The following CPLANE1 variants were observed in gnomAD, a reference collection of about 807,000 sequenced individuals.
CPLANE1 encodes ciliogenesis and planar polarity effector 1.
Under a neutral mutation model 362.5 loss-of-function variants are expected in CPLANE1, and 263 were observed. The observed-to-expected ratio is 0.73, with a 90% CI of 0.66 to 0.80. CPLANE1 has a LOEUF of 0.80. Ranked by LOEUF, CPLANE1 falls within the 30% of genes least tolerant of loss-of-function variation. The pLI, the probability that CPLANE1 is intolerant of heterozygous loss-of-function variation, is 0.00. For synonymous variants in CPLANE1, 1,212 were observed against 1,302.6 expected (o/e 0.93, Z 1.50); for missense variants, 3,461 against 3,793.4 (o/e 0.91, Z 2.30).
chr5:37,192,680 C>T (rs570882585), intron 21 of CPLANE1, among the ~76,000 whole-genome samples: 195 of 151,012 alleles, frequency 1.3e-3, no homozygotes, highest in Middle Eastern at 3.5e-3. Flanking sequence ...CTGGCTAACA[C>T]GGTGAAACCC....
In CPLANE1 at chr5:37,170,189, T is replaced by C. The variant is rs144243923; in HGVS notation, c.6314A>G (p.Asp2105Gly). Reference sequence around the variant, plus strand: ...AAGATTTTTGTTGCTGTCTTCAACATCACCACATCCTCTTAGGTTTGATTC... The same window carrying C: ...AAGATTTTTGTTGCTGTCTTCAACACCACCACATCCTCTTAGGTTTGATTC... ...SQESNLRGCG[D>G]VEDSNKNLKE... Residue 2105 changes from aspartate to glycine, a missense_variant, in exon 33 of 53, where the codon GAT (aspartate) becomes GGT (glycine). Transcript: ENST00000651892. 6.8e-6 allele frequency: 11 copies of C among 1,614,066 alleles called. No homozygotes were observed. In the African/African-American group the frequency reaches 1.5e-4, roughly 22 times the overall value.
In CPLANE1 at chr5:37,157,585, G is replaced by A. The variant is rs1254486191; in HGVS notation, c.8011+85C>T. 13 of 1,212,554 alleles carry A rather than the reference G, an allele frequency of 1.1e-5. No individual in the cohort carries two copies. In the African/African-American group the frequency reaches 1.5e-4, roughly 14 times the overall value. 75.1% of individuals were successfully genotyped at this position (1,212,554 alleles called of 1,614,324 possible). A position where few individuals can be genotyped will look rare whatever the true frequency, so the allele number is the denominator to read the frequency against. ...AAAATACAGTGGGTTTGTAGGAGGA[G>A]AGGTAAGAGATGTGAGTAGGGATAA... On this transcript the variant is annotated intron_variant, in intron 40 of 52. Transcript: ENST00000651892.
chr5:37,226,466 A>T lies in CPLANE1; in HGVS notation c.2129T>A (p.Ile710Asn). ...TTTACTTCCATCAGCTGATGCTGAA[A>T]TAACTTCAGGTTGAAGAATGTATAC... ...NGVYILQPEV[I>N]SASADGSKIT... Residue 710 changes from isoleucine (I) to asparagine (N), a missense_variant, in exon 12 of 53, where the codon ATT (isoleucine) becomes AAT (asparagine). Transcript: ENST00000651892. The T allele has an allele frequency of 6.4e-7, 1 of 1,551,024 alleles. No individual in the cohort carries two copies. Among genetic ancestry groups the T allele is most frequent in the Non-Finnish European group, 8.7e-7 (1 of 1,146,734 alleles).
the CPLANE1 span, among the ~76,000 whole-genome samples, chr5:37,079,206 T>A: frequency 6.6e-6 from 1 of 152,212 alleles, no homozygotes; most frequent in African/African-American, 2.4e-5. Flanking sequence ...AAGTCTTTAA[T>A]CCATCTGGAA....
At chr5:37,141,822 C>T (rs1769821128) in intron 44 of CPLANE1, 1 of 952,672 alleles carries the variant, frequency 1.0e-6, no homozygotes. Flanking sequence ...AAAAGTGGCA[C>T]TAAATCCTTC....
intron 24 of CPLANE1, 125 bp from the exon 25 acceptor site, chr5:37,185,204 A>G: frequency 1.3e-6 from 1 of 749,966 alleles, no homozygotes; most frequent in Non-Finnish European, 2.1e-6. Context: ...TTATTTCCAC[A>G]TTCTTACTGG....
chr5:37,243,031 T>C lies in CPLANE1; in HGVS notation c.659A>G (p.Asn220Ser). Residue 220 changes from asparagine (N) to serine (S), a missense_variant, in exon 6 of 53, where the codon AAT (asparagine) becomes AGT (serine). Physicochemically the swap from Asn to Ser is conservative, Grantham distance 46. Around this residue, in one of 2 missense-constraint regions of CPLANE1, gnomAD observed 3,380 missense variants for 3,666.1 expected, o/e 0.92. Transcript: ENST00000651892. The part of the protein sequence containing the change: ...LTFLAIRWHE[N>S]VFTSVRSLPY... ...ACCTCACCTTACAGATGTAAATACA[T>C]TCTCATGCCACCGAATTGCTAGAAA... The C allele has an allele frequency of 6.5e-7, 1 of 1,542,730 alleles. No homozygotes were observed.
intron 43 of CPLANE1, among the ~76,000 whole-genome samples, chr5:37,142,977 T>C (rs1023141144): frequency 6.6e-6 from 1 of 151,966 alleles, no homozygotes; most frequent in Non-Finnish European, 1.5e-5. Context: ...AAAGAAAATC[T>C]CTCCCCTGGT....
intron 29 of CPLANE1, among the ~76,000 whole-genome samples, chr5:37,179,036 C>G (rs907749102): frequency 6.6e-6 from 1 of 152,194 alleles, no homozygotes; most frequent in Non-Finnish European, 1.5e-5. Context: ...GCTGGGATTA[C>G]AGGCATCAGT....
At chr5:37,201,041 C>G (rs1789032677) in intron 19 of CPLANE1, among the ~76,000 whole-genome samples, 1 of 152,138 alleles carries the variant, frequency 6.6e-6, no homozygotes, top group Non-Finnish European at 1.5e-5. Context: ...CCAGGCTGGT[C>G]TCAAACTCCT....
chr5:37,148,531 A>G (rs1232167192), intron 42 of CPLANE1, among the ~76,000 whole-genome samples: 1 of 152,206 alleles, frequency 6.6e-6, no homozygotes, highest in African/African-American at 2.4e-5. Context: ...ATTACTATCT[A>G]GACAAATTCG....
At chr5:37,189,370 G>A (rs954468863) in intron 21 of CPLANE1, among the ~76,000 whole-genome samples, 2 of 152,076 alleles carry the variant, frequency 1.3e-5, no homozygotes, top group Non-Finnish European at 2.9e-5. Context: ...GGACTATCAG[G>A]GTCTCCAGTG....
intron 16 of CPLANE1, chr5:37,211,003 A>G: frequency 1.3e-6 from 1 of 793,848 alleles, no homozygotes; most frequent in Non-Finnish European, 2.3e-6. Flanking sequence ...TCGCAATTGA[A>G]GCAAACTCAG....
rs34035923 is a variant in CPLANE1 at position 37,159,094 on chromosome 5, C to CTT, written c.7691-751_7691-750dup. Among the ~76,000 whole-genome samples, 220 of 59,794 alleles carry CTT rather than the reference C, an allele frequency of 3.7e-3. 26 individuals carry two copies. Among genetic ancestry groups the CTT allele is most frequent in the African/African-American group, 0.017 (188 of 11,210 alleles). 39.2% of individuals were successfully genotyped at this position (59,794 alleles called of 152,430 possible). Reference sequence around the variant, plus strand: ...CCACTGCGCCCAGCTAATTCACATTCTTTTTTTTTTTTTTTTTTTTTTTTT... The same window carrying CTT: ...CCACTGCGCCCAGCTAATTCACATTCTTTTTTTTTTTTTTTTTTTTTTTTTTT... On this transcript the variant is annotated intron_variant, in intron 38 of 52. Transcript: ENST00000651892.
chr5:37,092,147 A>T, the CPLANE1 span, among the ~76,000 whole-genome samples: 2 of 152,226 alleles, frequency 1.3e-5, no homozygotes, highest in Non-Finnish European at 2.9e-5. Flanking sequence ...ACCTGGGCAG[A>T]CATCCCCTTC....
At chr5:37,240,811 G>A (rs566379236) in intron 6 of CPLANE1, among the ~76,000 whole-genome samples, 1 of 152,218 alleles carries the variant, frequency 6.6e-6, no homozygotes, top group Non-Finnish European at 1.5e-5. Context: ...TCTGTTAGTA[G>A]AGCCATGTTT....
At chr5:37,104,175 G>A (rs114105831), downstream of CPLANE1, among the ~76,000 whole-genome samples, 653 of 152,228 alleles carry the variant, frequency 4.3e-3, 7 homozygotes, top group Non-Finnish European at 4.1e-3. Flanking sequence ...ACTTGTGATT[G>A]CACAGTGAAT....
At chr5:37,238,085 G>A (rs898159438) in intron 8 of CPLANE1, among the ~76,000 whole-genome samples, 2 of 152,076 alleles carry the variant, frequency 1.3e-5, no homozygotes, top group African/African-American at 2.4e-5. Flanking sequence ...AGAAGGATGA[G>A]GAAGGAATGA....
downstream of CPLANE1, among the ~76,000 whole-genome samples, chr5:37,104,483 C>T (rs1757452922): frequency 6.6e-6 from 1 of 151,774 alleles, no homozygotes; most frequent in African/African-American, 2.4e-5. Context: ...GCCTTTAGTC[C>T]CAGCTACTCA....
Sources: allele counts gnomAD v4.1 joint callset (sites outside exome capture counted in the v4.1 genomes callset), GRCh38; gene constraint gnomAD v4.1.1; regional missense constraint gnomAD v4.1.1; transcripts MANE v1.5; gene names NCBI Gene and HGNC (gene_info 2026-07-23, HGNC 2026-07-21).